CNTN3: variants seen among roughly 807,000 people sequenced by gnomAD.
CNTN3 encodes contactin 3, also known as contactin-3.
A neutral mutation model predicts 119.1 loss-of-function variants in CNTN3; 60 were observed. The ratio of observed to expected loss-of-function variants is 0.50; its 90% CI spans 0.41 to 0.62. CNTN3 has a LOEUF of 0.62. Among genes scored for constraint, CNTN3 ranks in the 20% least tolerant of loss-of-function variants. CNTN3 has a pLI of 0.00. For synonymous variants in CNTN3, 450 were observed against 438.7 expected (o/e 1.03, Z -0.32); for missense variants, 1,101 against 1,242.4 (o/e 0.89, Z 1.71).
chr3:74,557,288 A>G (rs1407822283), intron 1 of CNTN3, among the ~76,000 whole-genome samples: 1 of 152,160 alleles, frequency 6.6e-6, no homozygotes, highest in Admixed American at 6.6e-5. Context: ...TTCTACCTAT[A>G]ATCCATTTTG....
chr3:74,342,053 T>C (rs530654270), intron 11 of CNTN3, among the ~76,000 whole-genome samples: 2 of 152,132 alleles, frequency 1.3e-5, no homozygotes, highest in Non-Finnish European at 2.9e-5. Flanking sequence ...TGAGTACATA[T>C]TCTAAGAGAT....
chr3:74,546,829 C>A (rs1426206040), intron 1 of CNTN3, among the ~76,000 whole-genome samples: 2 of 152,196 alleles, frequency 1.3e-5, no homozygotes, highest in Non-Finnish European at 2.9e-5. Flanking sequence ...ATATATACAT[C>A]TATCCTATGA....
intron 1 of CNTN3, among the ~76,000 whole-genome samples, chr3:74,547,694 C>T (rs1006380783): frequency 1.3e-5 from 2 of 152,134 alleles, no homozygotes; most frequent in Non-Finnish European, 2.9e-5. Flanking sequence ...ACTTGTAAGA[C>T]ATATTTGTAC....
At chr3:74,392,231 G>T (rs1052694664) in intron 5 of CNTN3, among the ~76,000 whole-genome samples, 1 of 152,200 alleles carries the variant, frequency 6.6e-6, no homozygotes, top group South Asian at 2.1e-4. Context: ...CTCCAACAGA[G>T]AAAGGGCCTG....
intron 13 of CNTN3, among the ~76,000 whole-genome samples, chr3:74,316,662 A>G (rs1378145630): frequency 6.6e-6 from 1 of 152,180 alleles, no homozygotes; most frequent in African/African-American, 2.4e-5. Flanking sequence ...ACCATGAAAA[A>G]GATGAAATCA....
At chr3:74,429,970 A>C (rs1323004858) in intron 4 of CNTN3, among the ~76,000 whole-genome samples, 1 of 152,210 alleles carries the variant, frequency 6.6e-6, no homozygotes, top group Non-Finnish European at 1.5e-5. Context: ...AAAAACAAAA[A>C]ACAAAACAGT....
intron 13 of CNTN3, among the ~76,000 whole-genome samples, chr3:74,314,445 T>A (rs1410620029): frequency 6.6e-6 from 1 of 152,096 alleles, no homozygotes; most frequent in Non-Finnish European, 1.5e-5. Flanking sequence ...ACACATAGAT[T>A]AAAAGGGATA....
At chr3:74,436,418 A>T (rs9810589) in intron 4 of CNTN3, among the ~76,000 whole-genome samples, 5 of 152,140 alleles carry the variant, frequency 3.3e-5, no homozygotes, top group Non-Finnish European at 7.4e-5. Flanking sequence ...TCTAAGCAGT[A>T]CGATCCACTC....
At chr3:74,543,677 T>TA (rs1441429243) in intron 1 of CNTN3, among the ~76,000 whole-genome samples, 1 of 152,138 alleles carries the variant, frequency 6.6e-6, no homozygotes, top group East Asian at 1.9e-4. Context: ...CCCCTCCTCC[T>TA]AAAAAAATAC....
chr3:74,270,539 C>T (rs2106749417), intron 20 of CNTN3, among the ~76,000 whole-genome samples: 1 of 152,228 alleles, frequency 6.6e-6, no homozygotes, highest in Non-Finnish European at 1.5e-5. Context: ...GGTGCCTCAG[C>T]CTGGACTAGC....
chr3:74,277,504 T>C (rs1483234391), intron 20 of CNTN3, among the ~76,000 whole-genome samples: 3 of 151,680 alleles, frequency 2.0e-5, no homozygotes, highest in African/African-American at 7.3e-5. Context: ...TAAACAGAAT[T>C]AAAAACAAAA....
intron 13 of CNTN3, among the ~76,000 whole-genome samples, chr3:74,307,664 A>G (rs559232915): frequency 1.7e-4 from 26 of 152,198 alleles, no homozygotes; most frequent in Non-Finnish European, 3.5e-4. Context: ...AAGCAGAAAG[A>G]TCATCACTAA....
At chr3:74,544,082 G>C (rs945663137) in intron 1 of CNTN3, among the ~76,000 whole-genome samples, 1 of 152,226 alleles carries the variant, frequency 6.6e-6, no homozygotes, top group Non-Finnish European at 1.5e-5. Context: ...CTCCAGGAAT[G>C]CAAGAGTCAG....
At chr3:74,570,286 C>T (rs1198408000) in intron 1 of CNTN3, among the ~76,000 whole-genome samples, 1 of 152,018 alleles carries the variant, frequency 6.6e-6, no homozygotes, top group Non-Finnish European at 1.5e-5. Flanking sequence ...AGCAGTAGTG[C>T]CTGAAATGCC....
At chr3:74,463,620 A>T (rs1436576084) in intron 4 of CNTN3, among the ~76,000 whole-genome samples, 1 of 152,166 alleles carries the variant, frequency 6.6e-6, no homozygotes. Flanking sequence ...AGACTATCTT[A>T]GAAACCTTAC....
intron 13 of CNTN3, among the ~76,000 whole-genome samples, chr3:74,324,157 T>C (rs755426969): frequency 1.3e-5 from 2 of 152,046 alleles, no homozygotes; most frequent in African/African-American, 4.8e-5. Context: ...AACTCCAGTA[T>C]GTCCTAAGAT....
intron 5 of CNTN3, among the ~76,000 whole-genome samples, chr3:74,389,331 T>A (rs1704836114): frequency 6.6e-6 from 1 of 152,146 alleles, no homozygotes; most frequent in South Asian, 2.1e-4. Flanking sequence ...ATTCTCCTTT[T>A]TTCACGGGAA....
intron 12 of CNTN3, among the ~76,000 whole-genome samples, chr3:74,335,236 A>C (rs1189344857): frequency 1.3e-5 from 2 of 151,940 alleles, no homozygotes. Flanking sequence ...TGTTTTTTGA[A>C]ATGTAGGGGT....
chr3:74,389,356 C>T (rs1467416070), intron 5 of CNTN3, among the ~76,000 whole-genome samples: 1 of 152,044 alleles, frequency 6.6e-6, no homozygotes, highest in Non-Finnish European at 1.5e-5. Flanking sequence ...ATGTCTGACT[C>T]TCATAAACCT....
Sources: gnomAD v4.1 joint callset for allele counts (sites outside exome capture counted in the v4.1 genomes callset) on GRCh38, gnomAD v4.1.1 for gene constraint, MANE v1.5 for transcripts, NCBI Gene and HGNC (gene_info 2026-07-23, HGNC 2026-07-21) for gene names.